The following CNTN4 variants were observed in gnomAD, a reference collection of about 807,000 sequenced individuals.
CNTN4 encodes contactin 4, also known as contactin-4.
CNTN4 carries 77 observed loss-of-function variants against 122.5 expected under a neutral mutation model. The observed-to-expected ratio is 0.63, with a 90% CI of 0.52 to 0.76. The LOEUF (loss-of-function observed/expected upper bound fraction) is 0.76. Ranked by LOEUF, CNTN4 falls within the 30% of genes least tolerant of loss-of-function variation. The pLI, the probability that CNTN4 is intolerant of heterozygous loss-of-function variation, is 0.00. For synonymous variants in CNTN4, 512 were observed against 447.0 expected (o/e 1.15, Z -1.83); for missense variants, 1,256 against 1,259.1 (o/e 1.00, Z 0.04).
At chr3:2,925,311 T>A (rs779862170) in intron 12 of CNTN4, among the ~76,000 whole-genome samples, 1 of 152,144 alleles carries the variant, frequency 6.6e-6, no homozygotes, top group South Asian at 2.1e-4. Flanking sequence ...ATCCCCGCAC[T>A]TTGGGAGGCT....
At chr3:2,327,243 T>G (rs1030194125) in intron 2 of CNTN4, among the ~76,000 whole-genome samples, 63 of 152,150 alleles carry the variant, frequency 4.1e-4, no homozygotes, top group African/African-American at 1.5e-3. Context: ...GCATTCTTCA[T>G]GTATTTGTGC....
At chr3:2,420,943 A>C (rs2047592420) in intron 3 of CNTN4, among the ~76,000 whole-genome samples, 1 of 152,156 alleles carries the variant, frequency 6.6e-6, no homozygotes, top group African/African-American at 2.4e-5. Flanking sequence ...TTGCCTAATA[A>C]AGTAAACGTT....
chr3:2,980,354 G>A (rs1337469957), intron 13 of CNTN4, among the ~76,000 whole-genome samples: 1 of 128,846 alleles, frequency 7.8e-6, no homozygotes, highest in Non-Finnish European at 1.5e-5. Context: ...ATTTAAAAAG[G>A]GCCACAGGTA....
At chr3:2,648,440 A>G (rs2083223855) in intron 4 of CNTN4, among the ~76,000 whole-genome samples, 1 of 152,180 alleles carries the variant, frequency 6.6e-6, no homozygotes, top group African/African-American at 2.4e-5. Flanking sequence ...TGTAATTGTC[A>G]CAATAGTTCA....
chr3:2,282,298 G>A (rs562674340), intron 2 of CNTN4, among the ~76,000 whole-genome samples: 5 of 151,960 alleles, frequency 3.3e-5, no homozygotes, highest in Admixed American at 6.6e-5. Context: ...TTGATTGGTC[G>A]TAGTTCCATT....
chr3:2,332,287 G>A (rs1055345760), intron 2 of CNTN4, among the ~76,000 whole-genome samples: 5 of 152,150 alleles, frequency 3.3e-5, no homozygotes, highest in African/African-American at 1.2e-4. Context: ...ATCACTGGCT[G>A]AATGTTTGAG....
intron 8 of CNTN4, among the ~76,000 whole-genome samples, chr3:2,873,983 C>T (rs545115297): frequency 6.6e-6 from 1 of 152,266 alleles, no homozygotes; most frequent in Admixed American, 6.5e-5. Flanking sequence ...CTGACAACAT[C>T]GCAGTTGAGG....
At chr3:2,929,044 A>G (rs1453154111) in intron 13 of CNTN4, among the ~76,000 whole-genome samples, 1 of 152,248 alleles carries the variant, frequency 6.6e-6, no homozygotes, top group African/African-American at 2.4e-5. Context: ...AAGCATCTAA[A>G]TGAAAGATTG....
At chr3:2,575,720 C>A (rs13314366) in intron 4 of CNTN4, among the ~76,000 whole-genome samples, 74,023 of 151,670 alleles carry the variant, frequency 0.49, 19,324 homozygotes, top group East Asian at 0.67. Flanking sequence ...TTTATTTTGA[C>A]CAATATCTTC....
chr3:2,916,747 G>A (rs2094362340), intron 12 of CNTN4, among the ~76,000 whole-genome samples: 1 of 144,696 alleles, frequency 6.9e-6, no homozygotes, highest in Non-Finnish European at 1.5e-5. Context: ...CGGCCGGGCA[G>A]AGGGGCTCCT....
At chr3:2,762,929 A>G (rs1286612555) in intron 6 of CNTN4, among the ~76,000 whole-genome samples, 1 of 135,364 alleles carries the variant, frequency 7.4e-6, no homozygotes, top group Non-Finnish European at 1.6e-5. Flanking sequence ...ATGATCAGTG[A>G]TGTCAAGCTT....
intron 4 of CNTN4, among the ~76,000 whole-genome samples, chr3:2,653,416 G>A (rs1311010658): frequency 2.0e-5 from 3 of 152,066 alleles, no homozygotes; most frequent in Admixed American, 6.6e-5. Context: ...TAGATTTTGG[G>A]TTCATAGAGA....
chr3:3,042,741 T>C (rs546162983), intron 21 of CNTN4: 1 of 594,698 alleles, frequency 1.7e-6, no homozygotes, highest in Non-Finnish European at 3.0e-6. Flanking sequence ...AAGAAAATAA[T>C]GAACGACGGT....
At chr3:2,220,909 G>GA (rs1053359870) in intron 2 of CNTN4, among the ~76,000 whole-genome samples, 1 of 152,038 alleles carries the variant, frequency 6.6e-6, no homozygotes, top group African/African-American at 2.4e-5. Flanking sequence ...ATCTTTATCA[G>GA]AAAAAAGGTA....
chr3:2,314,953 A>C (rs1466514825), intron 2 of CNTN4, among the ~76,000 whole-genome samples: 1 of 152,070 alleles, frequency 6.6e-6, no homozygotes, highest in South Asian at 2.1e-4. Flanking sequence ...CAAATTGGTA[A>C]ACAGGAAAAA....
chr3:2,467,084 A>G (rs80051381), intron 3 of CNTN4, among the ~76,000 whole-genome samples: 4,496 of 148,198 alleles, frequency 0.03, 235 homozygotes, highest in African/African-American at 0.11. Flanking sequence ...AAAGTCTTCC[A>G]GTATCGCTAA....
At chr3:2,977,642 C>A (rs1693551081) in intron 13 of CNTN4, among the ~76,000 whole-genome samples, 1 of 152,126 alleles carries the variant, frequency 6.6e-6, no homozygotes, top group Admixed American at 6.5e-5. Flanking sequence ...AAAAGCAGAA[C>A]CCCTCCTGCG....
At chr3:2,275,873 T>C (rs62245007) in intron 2 of CNTN4, among the ~76,000 whole-genome samples, 75,086 of 146,110 alleles carry the variant, frequency 0.51, 20,167 homozygotes, top group South Asian at 0.65. Flanking sequence ...TGAGCCGAGA[T>C]TGTGCCACTG....
chr3:2,866,909 G>C lies in CNTN4; in HGVS notation c.612G>C (p.Lys204Asn), dbSNP rs2150833713. The change falls in exon 8 of 25, where the codon AAG becomes AAC. Residue 204 changes from lysine (K) to asparagine (N), a missense_variant. Physicochemically the swap from Lys to Asn is moderately conservative, Grantham distance 94 (BLOSUM62 0). Coordinates refer to ENST00000418658, the MANE Select transcript of CNTN4 (RefSeq NM_175607.3). ...CVVTNTVTNH[K>N]VLGPPTPLIL... ...TTACCAATACCGTGACAAACCACAAGGTCCTGGGGCCACCTACACCACTAA... is the reference window on the plus strand; with the variant it reads ...TTACCAATACCGTGACAAACCACAACGTCCTGGGGCCACCTACACCACTAA... 2 of 1,613,984 alleles carry C rather than the reference G, an allele frequency of 1.2e-6. No individual in the cohort carries two copies. The highest frequency in any genetic ancestry group is 4.5e-5 in the East Asian group (2 of 44,874).
Sources: gnomAD v4.1 joint callset for allele counts (sites outside exome capture counted in the v4.1 genomes callset) on GRCh38, gnomAD v4.1.1 for gene constraint, MANE v1.5 for transcripts, NCBI Gene and HGNC (gene_info 2026-07-23, HGNC 2026-07-21) for gene names.